The following KHDRBS3 variants were observed in gnomAD, a reference collection of about 807,000 sequenced individuals.
The protein encoded by KHDRBS3 is KH domain-containing, RNA-binding, signal transduction-associated protein 3.
In KHDRBS3, 23 loss-of-function variants were observed where a neutral mutation model predicts 45.6. That is an observed-to-expected ratio of 0.50 (90% CI 0.36 to 0.72). The LOEUF is 0.72. Among genes scored for constraint, KHDRBS3 ranks in the 30% least tolerant of loss-of-function variants. KHDRBS3 has a pLI of 0.00. For synonymous variants in KHDRBS3, 162 were observed against 156.5 expected (o/e 1.04, Z -0.26); for missense variants, 352 against 424.8 (o/e 0.83, Z 1.51).
chr8:135,564,640 T>A (rs920562947), intron 5 of KHDRBS3, among the ~76,000 whole-genome samples: 2 of 152,182 alleles, frequency 1.3e-5, no homozygotes, highest in Non-Finnish European at 2.9e-5. Flanking sequence ...TTTTTCATTA[T>A]TTTTTTGTCT....
chr8:135,589,028 T>G (rs1400850158), intron 6 of KHDRBS3, among the ~76,000 whole-genome samples: 1 of 152,220 alleles, frequency 6.6e-6, no homozygotes, highest in East Asian at 1.9e-4. Flanking sequence ...TTGTTCCTCA[T>G]GAATAGCTGT....
At chr8:135,557,642 C>T in intron 5 of KHDRBS3, 55 bp downstream of exon 5, 1 of 1,361,888 alleles carries the variant, frequency 7.3e-7, no homozygotes, top group Non-Finnish European at 1.0e-6. Context: ...TTTAATATTT[C>T]CTTTATTAGT....
chr8:135,568,731 A>G (rs1827551296), intron 5 of KHDRBS3, among the ~76,000 whole-genome samples: 1 of 152,250 alleles, frequency 6.6e-6, no homozygotes, highest in South Asian at 2.1e-4. Flanking sequence ...CAATCAATGG[A>G]AACCTGTTTC....
intron 1 of KHDRBS3, among the ~76,000 whole-genome samples, chr8:135,510,713 T>C (rs1183517961): frequency 1.3e-5 from 2 of 152,200 alleles, no homozygotes; most frequent in Non-Finnish European, 2.9e-5. Context: ...GATTACAGGC[T>C]TGAGCCACTG....
intron 7 of KHDRBS3, among the ~76,000 whole-genome samples, chr8:135,632,239 T>C (rs1369789355): frequency 6.6e-6 from 1 of 152,190 alleles, no homozygotes; most frequent in African/African-American, 2.4e-5. Flanking sequence ...TGAGCACCTT[T>C]GCCACACTTG....
chr8:135,554,201 G>A (rs1307993819), intron 4 of KHDRBS3, among the ~76,000 whole-genome samples: 1 of 152,112 alleles, frequency 6.6e-6, no homozygotes, highest in Non-Finnish European at 1.5e-5. Context: ...ATCTTAAATG[G>A]ACGTTATAGT....
intron 7 of KHDRBS3, among the ~76,000 whole-genome samples, chr8:135,637,832 C>T (rs990389482): frequency 1.3e-5 from 2 of 152,118 alleles, no homozygotes; most frequent in Non-Finnish European, 2.9e-5. Context: ...AATATGTCTA[C>T]CTCAAATAAT....
intron 5 of KHDRBS3, among the ~76,000 whole-genome samples, chr8:135,578,563 A>G (rs115525241): frequency 0.011 from 1,627 of 151,996 alleles, 26 homozygotes; most frequent in African/African-American, 0.035. Flanking sequence ...TGGGCTCTGT[A>G]TTTTGTTCCA....
rs756629467 is a variant in KHDRBS3 at position 135,557,430 on chromosome 8, C to T, written c.472-18C>T. On this transcript the variant is annotated intron_variant, in intron 4 of 8. Transcript: ENST00000355849. ...TCTAATATGAAGTGAATTTTGCTAT[C>T]TTCTGTCTTTTGTGTAGGATTATAA... 18 of 1,559,792 alleles carry T rather than the reference C, an allele frequency of 1.2e-5. No homozygotes were observed. Among genetic ancestry groups the T allele is most frequent in the African/African-American group, 4.1e-5 (3 of 72,810 alleles).
chr8:135,549,300 T>C (rs1476015857), intron 4 of KHDRBS3: 2 of 155,076 alleles, frequency 1.3e-5, no homozygotes, highest in East Asian at 3.7e-4. Flanking sequence ...ATAAAAGCAG[T>C]CCCTGCCCTC....
intron 7 of KHDRBS3, among the ~76,000 whole-genome samples, chr8:135,634,137 T>G (rs1830716104): frequency 6.6e-6 from 1 of 152,244 alleles, no homozygotes; most frequent in African/African-American, 2.4e-5. Flanking sequence ...AACTGGGATT[T>G]TTGTTAACTC....
rs1319809679 is a variant in KHDRBS3, at chr8:135,457,768, C to T, written c.-99C>T. The T allele has an allele frequency of 4.0e-6, 2 of 501,114 alleles. No homozygotes were observed. Among genetic ancestry groups the T allele is most frequent in the Admixed American group, 5.6e-5 (1 of 17,958 alleles). The allele number at this position is 501,114 out of a possible 1,614,324, so 31.0% of individuals were successfully genotyped here. A position where few individuals can be genotyped will look rare whatever the true frequency, so the allele number is the denominator to read the frequency against. The stretch of plus-strand genomic sequence containing the variant: ...GGCCGCTGCTGCCGCGTCTGGCCCC[C>T]GGGTCCCCGCCGCTGGGGGCGCGGG... On this transcript the variant is annotated 5_prime_UTR_variant, in exon 1 of 9. Coordinates refer to ENST00000355849, the MANE Select transcript of KHDRBS3 (RefSeq NM_006558.3). This position sits in a 1 kb window ranked among gnomAD's most constrained non-coding sequence, Gnocchi z 4.4.
Position 135,457,841 on chromosome 8 carries a change from C to T in KHDRBS3, c.-26C>T, listed in dbSNP as rs769504167. On this transcript the variant is annotated 5_prime_UTR_variant, in exon 1 of 9. Transcript: ENST00000355849. The surrounding 1 kb of genome is among the most constrained non-coding windows in gnomAD (Gnocchi z 4.4). ...CCGCCCCCCGTGCGCCTGGAGTCCA[C>T]ATCCCGGGCCCGGCGGCCGGCGAGC... is the stretch of plus-strand genomic sequence containing the variant. 5.9e-6 allele frequency: 9 copies of T among 1,527,438 alleles called. No homozygotes were observed. Among genetic ancestry groups the T allele is most frequent in the East Asian group, 2.7e-5 (1 of 37,690 alleles). 94.6% of individuals were successfully genotyped at this position (1,527,438 alleles called of 1,614,324 possible).
chr8:135,469,635 T>TC (rs1431125176), intron 1 of KHDRBS3, among the ~76,000 whole-genome samples: 3 of 150,230 alleles, frequency 2.0e-5, no homozygotes, highest in Admixed American at 2.0e-4. Flanking sequence ...TTCAAGCAAT[T>TC]CTCCCGCCTC....
At chr8:135,577,484 T>C (rs1191807103) in intron 5 of KHDRBS3, among the ~76,000 whole-genome samples, 1 of 152,168 alleles carries the variant, frequency 6.6e-6, no homozygotes, top group Non-Finnish European at 1.5e-5. Flanking sequence ...GTATTTTCAG[T>C]ATGTCATACA....
In KHDRBS3 at chr8:135,614,707, G is replaced by GA. The variant is rs578234813; in HGVS notation, c.890+7679dup. Among the ~76,000 whole-genome samples the GA allele has an allele frequency of 5.2e-3, 754 of 145,892 alleles. 29 individuals are homozygous for GA. The South Asian group carries it at 0.059, about 11-fold the overall frequency. On this transcript the variant is annotated intron_variant, in intron 7 of 8. Coordinates refer to ENST00000355849, the MANE Select transcript of KHDRBS3 (RefSeq NM_006558.3). ...TAATTCCCAAGACCCCATGGTAAGG[G>GA]AAAAAAAAACAAAAAAAAGAGTAGA...
intron 2 of KHDRBS3, among the ~76,000 whole-genome samples, chr8:135,532,959 A>G (rs1272020274): frequency 6.6e-6 from 1 of 152,154 alleles, no homozygotes; most frequent in Admixed American, 6.5e-5. Context: ...GTGGGTCTGA[A>G]GTAGAATGTA....
chr8:135,531,541 T>C (rs1825478404), intron 2 of KHDRBS3, among the ~76,000 whole-genome samples: 1 of 152,134 alleles, frequency 6.6e-6, no homozygotes, highest in Non-Finnish European at 1.5e-5. Flanking sequence ...TAATTAAATG[T>C]GGGTCCTACT....
At chr8:135,475,402 C>A (rs13262911) in intron 1 of KHDRBS3, among the ~76,000 whole-genome samples, 7 of 118,744 alleles carry the variant, frequency 5.9e-5, no homozygotes, top group East Asian at 2.3e-4. Context: ...ACTTCCACCC[C>A]CTGGGTTCAA....
Sources: allele counts gnomAD v4.1 joint callset (sites outside exome capture counted in the v4.1 genomes callset), GRCh38; gene constraint gnomAD v4.1.1; non-coding constraint Gnocchi (gnomAD v3.1); transcripts MANE v1.5; gene names NCBI Gene and HGNC (gene_info 2026-07-23, HGNC 2026-07-21).